SLC24A4: variants seen among roughly 807,000 people sequenced by gnomAD.
SLC24A4 encodes the protein sodium/potassium/calcium exchanger 4.
A neutral mutation model predicts 79.0 loss-of-function variants in SLC24A4; 53 were observed. That is an observed-to-expected ratio of 0.67 (90% CI 0.54 to 0.84). The LOEUF is 0.84. Ranked by LOEUF, SLC24A4 falls within the 40% of genes least tolerant of loss-of-function variation. The probability of loss-of-function intolerance (pLI) is 0.00; values close to 1 mark genes in which losing one functional copy is unlikely to be tolerated. For missense variants in SLC24A4, 731 were observed against 822.0 expected, an observed-to-expected ratio of 0.89 and a Z score of 1.35; for synonymous variants, 323 against 323.8, an observed-to-expected ratio of 1.00 and a Z score of 0.03.
intron 12 of SLC24A4, among the ~76,000 whole-genome samples, chr14:92,460,895 G>A (rs1337684063): frequency 6.6e-6 from 1 of 152,190 alleles, no homozygotes; most frequent in Non-Finnish European, 1.5e-5. Flanking sequence ...TGCCCACCTG[G>A]CCTGATGGTG....
chr14:92,448,076 A>G (rs994635787), intron 9 of SLC24A4, among the ~76,000 whole-genome samples: 1 of 152,210 alleles, frequency 6.6e-6, no homozygotes, highest in Non-Finnish European at 1.5e-5. Flanking sequence ...CAAAAGGACA[A>G]CTATTGTCTG....
chr14:92,329,793 C>T (rs564632249), intron 2 of SLC24A4, among the ~76,000 whole-genome samples: 21 of 152,246 alleles, frequency 1.4e-4, no homozygotes, highest in Non-Finnish European at 2.5e-4. Flanking sequence ...AGGCGTGGGC[C>T]ACCGTGCCCT....
intron 12 of SLC24A4, among the ~76,000 whole-genome samples, chr14:92,464,457 C>T (rs1411695875): frequency 6.6e-6 from 1 of 152,142 alleles, no homozygotes; most frequent in African/African-American, 2.4e-5. Flanking sequence ...ATGCCAGCAA[C>T]GAAAGCCCAC....
At chr14:92,464,770 G>A (rs371059690) in intron 12 of SLC24A4, among the ~76,000 whole-genome samples, 1 of 152,190 alleles carries the variant, frequency 6.6e-6, no homozygotes, top group Admixed American at 6.5e-5. Context: ...AGGATGTCAC[G>A]CTTCATACGT....
At chr14:92,343,581 T>TTTCTTTCTTTCTTTCTTTCC (rs1401479192) in intron 2 of SLC24A4, among the ~76,000 whole-genome samples, 12 of 50,346 alleles carry the variant, frequency 2.4e-4, no homozygotes, top group African/African-American at 9.5e-4. Flanking sequence ...TAATTACTGT[T>TTTCTTTCTTTCTTTCTTTCC]TTCTTTCTTT....
rs189707685 is a variant in SLC24A4, at chr14:92,499,271, A to T, written c.*5643A>T. ...TGCTTCTAAACAGGGCTGACAGTAT[A>T]CTCTCGTCTAGTCTAGGAACATGTC... On this transcript the variant is annotated 3_prime_UTR_variant, in exon 17 of 17. Coordinates refer to ENST00000532405, the MANE Select transcript of SLC24A4 (RefSeq NM_153646.4). The T allele has an allele frequency of 6.6e-6, 1 of 152,058 alleles. No individual in the cohort carries two copies. The highest frequency in any genetic ancestry group is 1.9e-4 in the East Asian group (1 of 5,166). The allele number at this position is 152,058 out of a possible 1,614,324, so 9.4% of individuals were successfully genotyped here. A position where few individuals can be genotyped will look rare whatever the true frequency, so the allele number is the denominator to read the frequency against.
At chr14:92,347,168 T>C (rs1886586593) in intron 2 of SLC24A4, among the ~76,000 whole-genome samples, 1 of 152,224 alleles carries the variant, frequency 6.6e-6, no homozygotes, top group African/African-American at 2.4e-5. Context: ...CTCCTATTTC[T>C]TCCTCCTGGG....
chr14:92,459,947 G>A (rs1052487354), intron 12 of SLC24A4, among the ~76,000 whole-genome samples: 6 of 152,134 alleles, frequency 3.9e-5, no homozygotes, highest in South Asian at 2.1e-4. Context: ...TGGCTTTGAG[G>A]GTGTTTCTTA....
At chr14:92,364,406 TGG>T (rs929962069) in intron 2 of SLC24A4, among the ~76,000 whole-genome samples, 1 of 150,890 alleles carries the variant, frequency 6.6e-6, no homozygotes, top group Non-Finnish European at 1.5e-5. Flanking sequence ...GGAAGGGAGG[TGG>T]GATGACTGTC....
At chr14:92,447,278 A>G in intron 8 of SLC24A4, 93 bp from the exon 9 acceptor site, 1 of 1,143,480 alleles carries the variant, frequency 8.7e-7, no homozygotes, top group Non-Finnish European at 1.3e-6. Flanking sequence ...AGGTAAAGAC[A>G]TCCCGCCCTT....
intron 3 of SLC24A4, among the ~76,000 whole-genome samples, chr14:92,435,787 G>A (rs61977286): frequency 0.079 from 11,961 of 152,206 alleles, 527 homozygotes; most frequent in Middle Eastern, 0.13. Flanking sequence ...CATTTTGAAC[G>A]ACAGACCTGT....
chr14:92,478,166 C>T (rs10873424), intron 12 of SLC24A4, among the ~76,000 whole-genome samples: 138,445 of 152,264 alleles, frequency 0.91, 63,918 homozygotes, highest in Non-Finnish European at 0.99. Flanking sequence ...TGTGATAAAA[C>T]ATAATTTACT....
intron 2 of SLC24A4, among the ~76,000 whole-genome samples, chr14:92,372,997 CTT>C (rs1888286252): frequency 7.2e-6 from 1 of 139,322 alleles, no homozygotes; most frequent in Non-Finnish European, 1.6e-5. Flanking sequence ...CTCTCTCTCT[CTT>C]CTTTCTTTCT....
At chr14:92,359,719 A>G (rs983924386) in intron 2 of SLC24A4, among the ~76,000 whole-genome samples, 5 of 152,234 alleles carry the variant, frequency 3.3e-5, no homozygotes, top group African/African-American at 1.2e-4. Flanking sequence ...GTCAAGAAGC[A>G]GAGCATTGCC....
chr14:92,365,911 C>T (rs906763657), intron 2 of SLC24A4, among the ~76,000 whole-genome samples: 1 of 152,196 alleles, frequency 6.6e-6, no homozygotes, highest in Non-Finnish European at 1.5e-5. Flanking sequence ...CGCCTTCAAA[C>T]ACCACTCCAT....
At chr14:92,378,482 A>G (rs981730603) in intron 2 of SLC24A4, among the ~76,000 whole-genome samples, 1 of 152,218 alleles carries the variant, frequency 6.6e-6, no homozygotes, top group East Asian at 1.9e-4. Context: ...TCCTTGGATA[A>G]TAATGGCTCT....
At chr14:92,491,516 C>A in intron 14 of SLC24A4, 149 bp from the exon 15 acceptor site, 1 of 617,416 alleles carries the variant, frequency 1.6e-6, no homozygotes, top group Non-Finnish European at 2.9e-6. Flanking sequence ...GGGCATGGAT[C>A]TGAGGCCTTA....
intron 8 of SLC24A4, among the ~76,000 whole-genome samples, chr14:92,445,826 A>G (rs917260817): frequency 3.3e-5 from 5 of 152,236 alleles, no homozygotes; most frequent in African/African-American, 1.2e-4. Context: ...TTACTGTAAA[A>G]CTGAGACTTT....
chr14:92,390,387 C>G (rs1258072963), intron 2 of SLC24A4, among the ~76,000 whole-genome samples: 1 of 152,090 alleles, frequency 6.6e-6, no homozygotes, highest in Non-Finnish European at 1.5e-5. Flanking sequence ...GCCTGTCAGC[C>G]CTTGTTATAT....
Sources: allele counts gnomAD v4.1 joint callset (sites outside exome capture counted in the v4.1 genomes callset), GRCh38; gene constraint gnomAD v4.1.1; transcripts MANE v1.5; gene names NCBI Gene and HGNC (gene_info 2026-07-23, HGNC 2026-07-21).